Variants in ZNF69 observed in about 807,000 individuals in gnomAD.
ZNF69 encodes zinc finger protein 69.
ZNF69 carries 47 observed loss-of-function variants against 50.9 expected under a neutral mutation model. That is an observed-to-expected ratio of 0.92 (90% CI 0.73 to 1.18). The LOEUF (loss-of-function observed/expected upper bound fraction) is 1.18, where lower values mean the gene tolerates loss of function less well. Among genes scored for constraint, ZNF69 ranks in the 50% most tolerant of loss-of-function variants. The pLI, the probability that ZNF69 is intolerant of heterozygous loss-of-function variation, is 0.00. For missense variants in ZNF69, 717 were observed against 675.1 expected (o/e 1.06, Z -0.69); for synonymous variants, 216 against 223.1 (o/e 0.97, Z 0.29).
the ZNF69 span, chr19:11,950,441 A>G: frequency 2.7e-6 from 2 of 736,748 alleles, no homozygotes; most frequent in African/African-American, 3.5e-5. Context: ...TTTCAATGTC[A>G]TGAAAGGACT....
chr19:11,894,501 G>A (rs893421943), intron 1 of ZNF69, among the ~76,000 whole-genome samples: 1 of 152,128 alleles, frequency 6.6e-6, no homozygotes, highest in African/African-American at 2.4e-5. Context: ...AACTTCAAAG[G>A]GTATTGTGTC....
chr19:11,897,741 G>A (rs1206228648), intron 1 of ZNF69, among the ~76,000 whole-genome samples: 3 of 150,806 alleles, frequency 2.0e-5, no homozygotes, highest in Admixed American at 6.6e-5. Flanking sequence ...GCGTGGTGGT[G>A]GGCGCCTGTA....
At chr19:11,925,150 G>A in the ZNF69 span, 47 of 1,597,594 alleles carry the variant, frequency 2.9e-5, no homozygotes, top group South Asian at 4.7e-4. Context: ...TAACCGGTCA[G>A]ACCAGCCCGA....
chr19:11,941,499 A>C, the ZNF69 span, among the ~76,000 whole-genome samples: 1 of 152,302 alleles, frequency 6.6e-6, no homozygotes, highest in South Asian at 2.1e-4. Flanking sequence ...GGCTGGCACT[A>C]CTGGGGGACC....
At chr19:11,925,180 C>T in the ZNF69 span, 1 of 1,609,768 alleles carries the variant, frequency 6.2e-7, no homozygotes, top group Non-Finnish European at 8.5e-7. Context: ...GGTGCCTGTA[C>T]CCAGGCTTCT....
chr19:11,973,004 T>A, the ZNF69 span, among the ~76,000 whole-genome samples: 1 of 152,216 alleles, frequency 6.6e-6, no homozygotes, highest in African/African-American at 2.4e-5. Flanking sequence ...ATATTACATG[T>A]GAACACGATG....
At chr19:11,977,972 A>G in the ZNF69 span, 2 of 979,434 alleles carry the variant, frequency 2.0e-6, no homozygotes, top group African/African-American at 1.6e-5. Flanking sequence ...ACCTTGTAGA[A>G]CATGTTGTCC....
At chr19:11,954,045 G>A in the ZNF69 span, among the ~76,000 whole-genome samples, 2 of 152,100 alleles carry the variant, frequency 1.3e-5, no homozygotes, top group South Asian at 4.1e-4. Flanking sequence ...ATAAAACAAG[G>A]TGAAAAAACA....
chr19:11,970,910 A>G, the ZNF69 span, among the ~76,000 whole-genome samples: 1 of 152,210 alleles, frequency 6.6e-6, no homozygotes, highest in African/African-American at 2.4e-5. Context: ...CAGCCTGGGC[A>G]AGGAGAGTGA....
chr19:11,924,199 G>C, the ZNF69 span, among the ~76,000 whole-genome samples: 1 of 152,140 alleles, frequency 6.6e-6, no homozygotes, highest in African/African-American at 2.4e-5. Flanking sequence ...TTGCGGGGCC[G>C]AGGCGGGCGG....
chr19:11,934,442 A>G, the ZNF69 span, among the ~76,000 whole-genome samples: 1 of 148,488 alleles, frequency 6.7e-6, no homozygotes, highest in African/African-American at 2.6e-5. Flanking sequence ...GGCATTAGGA[A>G]GTGTCAGTGT....
intron 1 of ZNF69, among the ~76,000 whole-genome samples, chr19:11,899,770 A>G (rs1972204218): frequency 6.6e-6 from 1 of 152,168 alleles, no homozygotes; most frequent in Non-Finnish European, 1.5e-5. Flanking sequence ...GAATGAGACT[A>G]CTGAATCAGT....
At chr19:11,923,006 A>G in the ZNF69 span, among the ~76,000 whole-genome samples, 1 of 151,910 alleles carries the variant, frequency 6.6e-6, no homozygotes, top group African/African-American at 2.4e-5. Context: ...TGGAGATGGG[A>G]GTGTCTCACT....
chr19:11,903,571 A>G lies in ZNF69; in HGVS notation c.64-2A>G, dbSNP rs1440320362. The G allele has an allele frequency of 4.0e-5, 65 of 1,614,068 alleles. No homozygotes were observed. The highest frequency in any genetic ancestry group is 5.4e-5 in the Non-Finnish European group (64 of 1,179,984). On this transcript the variant is annotated splice_acceptor_variant, in intron 1 of 3. Coordinates refer to ENST00000429654, the MANE Select transcript of ZNF69 (RefSeq NM_001364730.1). LOFTEE classifies it high-confidence loss of function. Reference sequence around the variant, plus strand: ...CTCCTCTACACATGTGAGATGTTTCAGGACCCAGTGGCCTTTGATGATGTT... The same window carrying G: ...CTCCTCTACACATGTGAGATGTTTCGGGACCCAGTGGCCTTTGATGATGTT...
the ZNF69 span, chr19:11,977,348 AC>A: frequency 1.3e-3 from 2,054 of 1,613,286 alleles, 3 homozygotes; most frequent in Non-Finnish European, 1.7e-3. Flanking sequence ...CTTCAGGACT[AC>A]TTTTCTGTGT....
chr19:11,944,963 CCTT>C, the ZNF69 span, among the ~76,000 whole-genome samples: 1 of 152,232 alleles, frequency 6.6e-6, no homozygotes, highest in Non-Finnish European at 1.5e-5. Flanking sequence ...CCACATCCAT[CCTT>C]CTTCCATCAC....
the ZNF69 span, among the ~76,000 whole-genome samples, chr19:11,929,011 C>A: frequency 6.8e-6 from 1 of 148,042 alleles, no homozygotes; most frequent in Non-Finnish European, 1.5e-5. Flanking sequence ...TTTTACAAAA[C>A]GCTATAGGTA....
the ZNF69 span, chr19:11,977,377 A>C: frequency 2.5e-6 from 4 of 1,613,834 alleles, no homozygotes; most frequent in Non-Finnish European, 3.4e-6. Context: ...TTAGGGAAAA[A>C]GTGGAAAGAC....
At chr19:11,901,382 A>G (rs1053878714) in intron 1 of ZNF69, among the ~76,000 whole-genome samples, 2 of 152,242 alleles carry the variant, frequency 1.3e-5, no homozygotes, top group Non-Finnish European at 2.9e-5. Context: ...CTTAAGCAGT[A>G]GGATATAAAC....
Sources: allele counts gnomAD v4.1 joint callset (sites outside exome capture counted in the v4.1 genomes callset), GRCh38; gene constraint gnomAD v4.1.1; transcripts MANE v1.5; gene names NCBI Gene and HGNC (gene_info 2026-07-23, HGNC 2026-07-21).